MBNL1: variants seen among roughly 807,000 people sequenced by gnomAD.
MBNL1 encodes the protein muscleblind like splicing regulator 1, also known as muscleblind-like protein 1.
Under a neutral mutation model 42.2 loss-of-function variants are expected in MBNL1, and 8 were observed. The observed-to-expected ratio is 0.19, with a 90% CI of 0.11 to 0.34. The LOEUF (loss-of-function observed/expected upper bound fraction) is 0.34, where lower values mean the gene tolerates loss of function less well. MBNL1 is among the 10% of genes least tolerant of loss of function. The probability of loss-of-function intolerance (pLI) is 1.00; values close to 1 mark genes in which losing one functional copy is unlikely to be tolerated. For missense variants in MBNL1, 309 were observed against 495.3 expected (o/e 0.62, Z 3.57); for synonymous variants, 169 against 173.9 (o/e 0.97, Z 0.22).
At chr3:152,432,223 CTG>C (rs1159603352) in intron 3 of MBNL1, among the ~76,000 whole-genome samples, 3 of 152,194 alleles carry the variant, frequency 2.0e-5, no homozygotes, top group African/African-American at 7.2e-5. Flanking sequence ...CTTACATTGA[CTG>C]TGAAACTCTT....
chr3:152,308,773 A>G (rs1307244645), intron 2 of MBNL1, among the ~76,000 whole-genome samples: 1 of 151,888 alleles, frequency 6.6e-6, no homozygotes, highest in Non-Finnish European at 1.5e-5. Context: ...GCCATGGGGA[A>G]ACAGGTAGAT....
At chr3:152,332,739 T>TGCGCGCGCGC (rs1229920740) in intron 2 of MBNL1, among the ~76,000 whole-genome samples, 3 of 115,702 alleles carry the variant, frequency 2.6e-5, no homozygotes, top group African/African-American at 1.0e-4. Context: ...TGTGTGTGTG[T>TGCGCGCGCGC]GCGCGCGCGC....
chr3:152,342,553 AACACACAC>A (rs111644138), intron 2 of MBNL1, among the ~76,000 whole-genome samples: 7,534 of 146,080 alleles, frequency 0.052, 278 homozygotes, highest in Non-Finnish European at 0.08. Context: ...AACTAAACAA[AACACACAC>A]ACACACACAC....
intron 2 of MBNL1, chr3:152,262,549 A>C (rs1211326042): frequency 1.3e-5 from 2 of 152,222 alleles, no homozygotes; most frequent in African/African-American, 2.4e-5. Context: ...ACATTTAGGA[A>C]CATTGACACT....
At chr3:152,434,630 G>A (rs987090885) in intron 4 of MBNL1, among the ~76,000 whole-genome samples, 5 of 152,138 alleles carry the variant, frequency 3.3e-5, no homozygotes, top group African/African-American at 1.2e-4. Flanking sequence ...GCCACACTGT[G>A]TTCCACAATG....
intron 2 of MBNL1, among the ~76,000 whole-genome samples, chr3:152,252,441 A>C (rs987140799): frequency 2.6e-5 from 4 of 151,818 alleles, no homozygotes; most frequent in Admixed American, 1.3e-4. Flanking sequence ...CAATTAATTT[A>C]CTTTAAATCT....
intron 4 of MBNL1, among the ~76,000 whole-genome samples, chr3:152,433,633 C>T (rs1342478833): frequency 6.6e-6 from 1 of 151,588 alleles, no homozygotes; most frequent in Non-Finnish European, 1.5e-5. Flanking sequence ...GCCTGTAGTC[C>T]CAGCTACTCG....
chr3:152,360,300 C>A (rs2095840600), intron 2 of MBNL1, among the ~76,000 whole-genome samples: 1 of 152,128 alleles, frequency 6.6e-6, no homozygotes, highest in Non-Finnish European at 1.5e-5. Flanking sequence ...AAGCCCCACA[C>A]CCTTATCCCA....
intron 2 of MBNL1, among the ~76,000 whole-genome samples, chr3:152,350,968 C>G (rs971934955): frequency 1.3e-5 from 2 of 152,204 alleles, no homozygotes; most frequent in East Asian, 1.9e-4. Flanking sequence ...CCCTGCCTAT[C>G]GATCATAGTA....
intron 2 of MBNL1, among the ~76,000 whole-genome samples, chr3:152,245,150 C>T (rs549562062): frequency 6.6e-6 from 1 of 152,058 alleles, no homozygotes; most frequent in Admixed American, 6.5e-5. Context: ...GGAAATCAAA[C>T]TAAACTGAAA....
chr3:152,281,049 A>G (rs1429408795), intron 1 of MBNL1, among the ~76,000 whole-genome samples: 1 of 152,192 alleles, frequency 6.6e-6, no homozygotes, highest in Admixed American at 6.5e-5. Flanking sequence ...GCAAAACAAC[A>G]AAAGACTCGA....
At chr3:152,378,794 G>A (rs778135257) in intron 2 of MBNL1, among the ~76,000 whole-genome samples, 6 of 152,074 alleles carry the variant, frequency 3.9e-5, no homozygotes, top group Non-Finnish European at 8.8e-5. Context: ...ATGGCTCACC[G>A]CAGCCTCAAC....
At chr3:152,317,537 C>T (rs1560116950) in intron 2 of MBNL1, among the ~76,000 whole-genome samples, 1 of 152,064 alleles carries the variant, frequency 6.6e-6, no homozygotes, top group Non-Finnish European at 1.5e-5. Flanking sequence ...CCAGGCTGGC[C>T]TTGAAATCCT....
At chr3:152,402,970 C>T (rs929138400) in intron 2 of MBNL1, among the ~76,000 whole-genome samples, 17 of 152,080 alleles carry the variant, frequency 1.1e-4, no homozygotes, top group African/African-American at 3.9e-4. Context: ...GGAACATGTA[C>T]AAAATACAAA....
intron 2 of MBNL1, among the ~76,000 whole-genome samples, chr3:152,247,319 G>A (rs918006561): frequency 2.0e-5 from 3 of 151,908 alleles, no homozygotes; most frequent in Admixed American, 2.0e-4. Flanking sequence ...CCAAATGATT[G>A]CTATATTTGC....
intron 2 of MBNL1, among the ~76,000 whole-genome samples, chr3:152,411,809 T>G (rs917065711): frequency 6.6e-6 from 1 of 152,244 alleles, no homozygotes; most frequent in Non-Finnish European, 1.5e-5. Flanking sequence ...GTTTCCTTTT[T>G]TTCTTTTATG....
intron 3 of MBNL1, among the ~76,000 whole-genome samples, chr3:152,416,623 C>T (rs1250508070): frequency 2.6e-5 from 4 of 152,168 alleles, no homozygotes; most frequent in African/African-American, 9.7e-5. Flanking sequence ...ATGCTTACCA[C>T]CAGGCTGTAC....
intron 3 of MBNL1, among the ~76,000 whole-genome samples, chr3:152,429,540 A>G (rs945008757): frequency 9.2e-5 from 14 of 152,210 alleles, no homozygotes; most frequent in African/African-American, 3.1e-4. Context: ...ACAGGATGCC[A>G]CTTGATAACA....
intron 2 of MBNL1, among the ~76,000 whole-genome samples, chr3:152,400,909 G>A (rs1049938920): frequency 2.0e-5 from 3 of 152,240 alleles, no homozygotes; most frequent in Admixed American, 6.5e-5. Context: ...ATTGGTAAAT[G>A]AGAATGTGTA....
Sources: allele counts gnomAD v4.1 joint callset (sites outside exome capture counted in the v4.1 genomes callset), GRCh38; gene constraint gnomAD v4.1.1; transcripts MANE v1.5; gene names NCBI Gene and HGNC (gene_info 2026-07-23, HGNC 2026-07-21).